LSAMP: variants seen among roughly 807,000 people sequenced by gnomAD.
LSAMP encodes the protein limbic system-associated membrane protein.
Under a neutral mutation model 38.6 loss-of-function variants are expected in LSAMP, and 7 were observed. The observed-to-expected ratio is 0.18, with a 90% CI of 0.10 to 0.34. LSAMP has a LOEUF of 0.34. Among genes scored for constraint, LSAMP ranks in the 10% least tolerant of loss-of-function variants. The pLI is 1.00. For synonymous variants in LSAMP, 154 were observed against 166.8 expected (o/e 0.92, Z 0.59); for missense variants, 313 against 420.0 (o/e 0.75, Z 2.23).
chr3:116,279,927 A>G (rs2047106959), intron 1 of LSAMP, among the ~76,000 whole-genome samples: 1 of 152,206 alleles, frequency 6.6e-6, no homozygotes, highest in Non-Finnish European at 1.5e-5. Flanking sequence ...GAAAACATTT[A>G]CTATTATTTA....
intron 1 of LSAMP, among the ~76,000 whole-genome samples, chr3:116,108,773 T>A (rs557330389): frequency 6.6e-6 from 1 of 151,994 alleles, no homozygotes; most frequent in Non-Finnish European, 1.5e-5. Context: ...TTTCTGGCAC[T>A]TGTAGCAAGC....
At chr3:115,988,157 T>C (rs114750431) in intron 3 of LSAMP, among the ~76,000 whole-genome samples, 24 of 152,286 alleles carry the variant, frequency 1.6e-4, no homozygotes, top group Non-Finnish European at 3.1e-4. Context: ...ATTGAGTAAC[T>C]TCTTTATTTC....
At chr3:116,248,622 A>G (rs1051087364) in intron 1 of LSAMP, among the ~76,000 whole-genome samples, 5 of 151,952 alleles carry the variant, frequency 3.3e-5, no homozygotes, top group Admixed American at 2.0e-4. Flanking sequence ...CAGGGAAAGG[A>G]GGCAGGCAGT....
intron 3 of LSAMP, among the ~76,000 whole-genome samples, chr3:115,983,994 AC>A (rs1939439410): frequency 6.6e-6 from 1 of 152,200 alleles, no homozygotes; most frequent in African/African-American, 2.4e-5. Context: ...TGGGAAATAA[AC>A]TGAGGGAATG....
At chr3:116,331,492 CAA>C (rs1296406597) in intron 1 of LSAMP, among the ~76,000 whole-genome samples, 31 of 152,084 alleles carry the variant, frequency 2.0e-4, no homozygotes, top group African/African-American at 7.5e-4. Flanking sequence ...TTGAAAGCAA[CAA>C]GAGAAAATGA....
intron 3 of LSAMP, among the ~76,000 whole-genome samples, chr3:115,980,672 T>C (rs1200286181): frequency 6.6e-6 from 1 of 152,182 alleles, no homozygotes; most frequent in Non-Finnish European, 1.5e-5. Flanking sequence ...TTACCTGTAC[T>C]GAGTCTTTTG....
At chr3:115,866,795 C>T (rs1359342063) in intron 3 of LSAMP, among the ~76,000 whole-genome samples, 4 of 152,032 alleles carry the variant, frequency 2.6e-5, no homozygotes, top group Non-Finnish European at 2.9e-5. Context: ...GATAAATTAC[C>T]TCAAAGATAT....
chr3:115,898,430 T>G (rs7643756), intron 3 of LSAMP, among the ~76,000 whole-genome samples: 2,053 of 152,036 alleles, frequency 0.014, 51 homozygotes, highest in African/African-American at 0.046. Context: ...CACCTACAGA[T>G]TTTTCTTTTT....
chr3:115,992,780 T>C (rs950004528), intron 3 of LSAMP, among the ~76,000 whole-genome samples: 2 of 152,088 alleles, frequency 1.3e-5, no homozygotes, highest in African/African-American at 4.8e-5. Context: ...CATCTAGAGA[T>C]GGATAATTAA....
At chr3:116,367,183 C>A (rs946180941) in intron 1 of LSAMP, among the ~76,000 whole-genome samples, 3 of 152,142 alleles carry the variant, frequency 2.0e-5, no homozygotes, top group African/African-American at 7.2e-5. Flanking sequence ...TCCTATGTTT[C>A]TTGAATATGA....
intron 3 of LSAMP, among the ~76,000 whole-genome samples, chr3:115,918,263 G>A (rs1302896499): frequency 6.6e-6 from 1 of 152,158 alleles, no homozygotes; most frequent in Non-Finnish European, 1.5e-5. Flanking sequence ...ATGATGCAAA[G>A]GTTATGGATT....
chr3:116,031,538 C>CTTTTTTTTTTTTTTTTTTTTTTTTTT (rs56951507), intron 2 of LSAMP, among the ~76,000 whole-genome samples: 2 of 60,238 alleles, frequency 3.3e-5, no homozygotes, highest in African/African-American at 1.1e-4. Flanking sequence ...AGCCTAAATT[C>CTTTTTTTTTTTTTTTTTTTTTTTTTT]TTTTTTTTTT....
intron 2 of LSAMP, among the ~76,000 whole-genome samples, chr3:116,054,542 G>C (rs755182199): frequency 6.6e-6 from 1 of 152,004 alleles, no homozygotes; most frequent in Non-Finnish European, 1.5e-5. Context: ...TCCTATTCAT[G>C]GTCTCTCACA....
intron 6 of LSAMP, among the ~76,000 whole-genome samples, chr3:115,820,850 C>T (rs548883389): frequency 2.0e-5 from 3 of 152,284 alleles, no homozygotes; most frequent in Admixed American, 6.5e-5. Context: ...ACCACGGTGC[C>T]TGAACCTAAG....
chr3:116,270,955 A>G lies in LSAMP; in HGVS notation c.155+173922T>C, dbSNP rs544020614. Among the ~76,000 whole-genome samples the G allele has an allele frequency of 3.9e-5, 6 of 152,236 alleles. No homozygotes were observed. In the East Asian group the frequency reaches 7.7e-4, roughly 20 times the overall value. On this transcript the variant is annotated intron_variant, in intron 1 of 6. Transcript: ENST00000490035. ...CTTCTCCAGATTTCAATTACTTCGT[A>G]TGTAAAATTAAGGGATTGGAACAGA...
At chr3:116,417,788 A>C (rs963483252) in intron 1 of LSAMP, among the ~76,000 whole-genome samples, 1 of 152,058 alleles carries the variant, frequency 6.6e-6, no homozygotes, top group African/African-American at 2.4e-5. Context: ...ACAAGAGGAC[A>C]GTATAACACT....
chr3:116,106,537 G>T (rs1428738768), intron 1 of LSAMP, among the ~76,000 whole-genome samples: 1 of 152,154 alleles, frequency 6.6e-6, no homozygotes, highest in African/African-American at 2.4e-5. Flanking sequence ...TCCTTTTTAA[G>T]TTGGTGGCTG....
intron 3 of LSAMP, among the ~76,000 whole-genome samples, chr3:115,950,780 AACCAAAGCAAG>A (rs1938256681): frequency 7.4e-6 from 1 of 135,288 alleles, no homozygotes; most frequent in South Asian, 2.6e-4. Flanking sequence ...CAGCTCACAT[AACCAAAGCAAG>A]ACTTAGCAAA....
At chr3:116,044,521 C>T (rs2107722964) in intron 2 of LSAMP, among the ~76,000 whole-genome samples, 1 of 151,976 alleles carries the variant, frequency 6.6e-6, no homozygotes, top group African/African-American at 2.4e-5. Flanking sequence ...TCATGGAGAA[C>T]CGTTTCATGC....
Sources: allele counts gnomAD v4.1 joint callset (sites outside exome capture counted in the v4.1 genomes callset), GRCh38; gene constraint gnomAD v4.1.1; transcripts MANE v1.5; gene names NCBI Gene and HGNC (gene_info 2026-07-23, HGNC 2026-07-21).